The following FGGY variants were observed in gnomAD, a reference collection of about 807,000 sequenced individuals.
The protein encoded by FGGY is FGGY carbohydrate kinase domain-containing protein.
In FGGY, 72 loss-of-function variants were observed where a neutral mutation model predicts 71.3. The observed-to-expected ratio is 1.01, with a 90% CI of 0.84 to 1.23. The LOEUF (loss-of-function observed/expected upper bound fraction) is 1.23. Ranked by LOEUF, FGGY falls within the 50% of genes most tolerant of loss-of-function variation. The probability of loss-of-function intolerance (pLI) is 0.00; values close to 1 mark genes in which losing one functional copy is unlikely to be tolerated. For missense variants in FGGY, 668 were observed against 682.3 expected (o/e 0.98, Z 0.23); for synonymous variants, 251 against 250.3 (o/e 1.00, Z -0.02).
chr1:59,372,733 T>G (rs2057907346), intron 4 of FGGY, among the ~76,000 whole-genome samples: 1 of 152,202 alleles, frequency 6.6e-6, no homozygotes, highest in Non-Finnish European at 1.5e-5. Context: ...CCGTCATCCC[T>G]GGGATGTAAG....
intron 6 of FGGY, among the ~76,000 whole-genome samples, chr1:59,463,891 T>G (rs187674944): frequency 9.9e-5 from 15 of 152,162 alleles, no homozygotes; most frequent in African/African-American, 3.6e-4. Context: ...TACAAAGAGA[T>G]TTAGACTCCC....
At chr1:59,424,029 T>G (rs984009700) in intron 5 of FGGY, among the ~76,000 whole-genome samples, 1 of 152,224 alleles carries the variant, frequency 6.6e-6, no homozygotes, top group Non-Finnish European at 1.5e-5. Flanking sequence ...CATAGGCCAC[T>G]TACAGTCAGT....
chr1:59,653,507 C>T (rs2097187970), intron 11 of FGGY, among the ~76,000 whole-genome samples: 4 of 152,110 alleles, frequency 2.6e-5, no homozygotes, highest in African/African-American at 7.2e-5. Context: ...GTGGGAGTGA[C>T]CCGATTTTCC....
chr1:59,623,222 AATTTTTCTTAACTTTTCATC>A (rs1201734910), intron 9 of FGGY, among the ~76,000 whole-genome samples: 1 of 152,086 alleles, frequency 6.6e-6, no homozygotes, highest in Non-Finnish European at 1.5e-5. Context: ...TACATTACCA[AATTTTTCTTAACTTTTCATC>A]ATTTTTCTCT....
intron 12 of FGGY, among the ~76,000 whole-genome samples, chr1:59,666,132 T>C (rs1226546211): frequency 6.6e-6 from 1 of 152,234 alleles, no homozygotes; most frequent in African/African-American, 2.4e-5. Context: ...TTGGTGGCTG[T>C]GCCATCTGTG....
chr1:59,302,695 G>A (rs1369493439), intron 1 of FGGY, among the ~76,000 whole-genome samples: 2 of 151,252 alleles, frequency 1.3e-5, no homozygotes, highest in Non-Finnish European at 2.9e-5. Context: ...GGGGTAGGAG[G>A]AAAGAGGATT....
chr1:59,353,625 A>G (rs1205523588), intron 4 of FGGY, among the ~76,000 whole-genome samples: 1 of 152,230 alleles, frequency 6.6e-6, no homozygotes. Flanking sequence ...GACATTTACC[A>G]GTGCCGCCAG....
intron 5 of FGGY, among the ~76,000 whole-genome samples, chr1:59,437,495 G>A (rs969004503): frequency 1.3e-5 from 2 of 152,214 alleles, no homozygotes; most frequent in South Asian, 2.1e-4. Flanking sequence ...TACCCATTAC[G>A]TGTAGGGGCT....
chr1:59,592,677 T>C (rs1030233088), intron 8 of FGGY, among the ~76,000 whole-genome samples: 15 of 150,986 alleles, frequency 9.9e-5, no homozygotes, highest in East Asian at 3.9e-4. Context: ...CAGTAAACTA[T>C]AGCAAGAACA....
intron 5 of FGGY, among the ~76,000 whole-genome samples, chr1:59,432,876 G>A (rs920766292): frequency 2.0e-5 from 3 of 152,136 alleles, no homozygotes; most frequent in Admixed American, 6.5e-5. Context: ...ATAAGTAAAC[G>A]GCAAAGCTAT....
At chr1:59,325,644 G>A (rs553088632) in intron 2 of FGGY, among the ~76,000 whole-genome samples, 4 of 152,248 alleles carry the variant, frequency 2.6e-5, no homozygotes, top group East Asian at 1.9e-4. Context: ...CTAACACATT[G>A]CCTGGCACAA....
chr1:59,587,237 G>T (rs1024943966), intron 8 of FGGY, among the ~76,000 whole-genome samples: 1 of 152,180 alleles, frequency 6.6e-6, no homozygotes, highest in Admixed American at 6.5e-5. Context: ...CAGCAAGGCT[G>T]GGGGAGGGGC....
At chr1:59,691,411 T>C (rs975768937) in intron 14 of FGGY, among the ~76,000 whole-genome samples, 3 of 152,038 alleles carry the variant, frequency 2.0e-5, no homozygotes, top group East Asian at 3.9e-4. Flanking sequence ...GTACAGTGGA[T>C]TGGGGAAGCT....
At chr1:59,513,552 G>T (rs1290766888) in intron 7 of FGGY, among the ~76,000 whole-genome samples, 1 of 152,182 alleles carries the variant, frequency 6.6e-6, no homozygotes, top group Non-Finnish European at 1.5e-5. Flanking sequence ...GGTGTATTTA[G>T]AAATTCTCTA....
At chr1:59,448,196 T>C (rs2071767255) in intron 5 of FGGY, among the ~76,000 whole-genome samples, 1 of 152,206 alleles carries the variant, frequency 6.6e-6, no homozygotes, top group Non-Finnish European at 1.5e-5. Context: ...CCTGTTCTCA[T>C]TGTGGGTTTT....
At chr1:59,732,634 T>C (rs149974663) in intron 14 of FGGY, among the ~76,000 whole-genome samples, 1 of 150,222 alleles carries the variant, frequency 6.7e-6, no homozygotes, top group East Asian at 2.0e-4. Flanking sequence ...GGGTCAGAGA[T>C]ACCAAAGCAG....
intron 1 of FGGY, among the ~76,000 whole-genome samples, chr1:59,303,533 A>C (rs1328014501): frequency 6.6e-6 from 1 of 152,132 alleles, no homozygotes; most frequent in African/African-American, 2.4e-5. Flanking sequence ...TTCATATCTT[A>C]GTTATTGTGA....
chr1:59,349,403 T>C (rs1239499033), intron 4 of FGGY, among the ~76,000 whole-genome samples: 1 of 152,168 alleles, frequency 6.6e-6, no homozygotes, highest in Admixed American at 6.5e-5. Context: ...CGGAGGGTCA[T>C]TGGTTCAGTG....
chr1:59,554,551 C>T (rs558806744), intron 8 of FGGY, among the ~76,000 whole-genome samples: 47 of 152,234 alleles, frequency 3.1e-4, no homozygotes, highest in African/African-American at 1.1e-3. Flanking sequence ...ACTGATCTGT[C>T]CCTAATGGGT....
Sources: gnomAD v4.1 joint callset for allele counts (sites outside exome capture counted in the v4.1 genomes callset) on GRCh38, gnomAD v4.1.1 for gene constraint, MANE v1.5 for transcripts, NCBI Gene and HGNC (gene_info 2026-07-23, HGNC 2026-07-21) for gene names.